TGFB2: variants seen among roughly 807,000 people sequenced by gnomAD.
TGFB2 encodes the protein transforming growth factor beta-2 proprotein.
In TGFB2, 13 loss-of-function variants were observed where a neutral mutation model predicts 42.7. The ratio of observed to expected loss-of-function variants is 0.30; its 90% CI spans 0.20 to 0.48. TGFB2 has a LOEUF of 0.48. Ranked by LOEUF, TGFB2 falls within the 20% of genes least tolerant of loss-of-function variation. The probability of loss-of-function intolerance (pLI) is 0.99; values close to 1 mark genes in which losing one functional copy is unlikely to be tolerated. For missense variants in TGFB2, 390 were observed against 517.5 expected (o/e 0.75, Z 2.39); for synonymous variants, 193 against 193.6 (o/e 1.00, Z 0.03).
chr1:218,433,253 G>C (rs952019471), intron 2 of TGFB2, among the ~76,000 whole-genome samples: 1 of 152,032 alleles, frequency 6.6e-6, no homozygotes, highest in Non-Finnish European at 1.5e-5. Flanking sequence ...GTTTAGTAGA[G>C]ACAGGGTTTT....
At chr1:218,356,791 T>A (rs1460360823) in intron 1 of TGFB2, among the ~76,000 whole-genome samples, 3 of 152,220 alleles carry the variant, frequency 2.0e-5, no homozygotes, top group Non-Finnish European at 4.4e-5. Flanking sequence ...GTCAGGCAGC[T>A]GTGGTTATAC....
At chr1:218,375,266 T>G (rs899999840) in intron 1 of TGFB2, among the ~76,000 whole-genome samples, 95 of 152,290 alleles carry the variant, frequency 6.2e-4, no homozygotes, top group African/African-American at 2.0e-3. Context: ...AGAAAGTGAC[T>G]CACACATGAG....
intron 2 of TGFB2, among the ~76,000 whole-genome samples, chr1:218,433,619 TAGA>T (rs1311793866): frequency 6.6e-6 from 1 of 152,212 alleles, no homozygotes; most frequent in African/African-American, 2.4e-5. Context: ...CTTTCTTTAT[TAGA>T]AGGAGATTTA....
chr1:218,419,094 G>A (rs889673527), intron 2 of TGFB2, among the ~76,000 whole-genome samples: 1 of 152,082 alleles, frequency 6.6e-6, no homozygotes, highest in Non-Finnish European at 1.5e-5. Context: ...CAGTGGCTTC[G>A]TATCTCACCC....
rs1285867403 is a variant in TGFB2 at position 218,443,267 on chromosome 1, TA to T, written c.*1906del. On this transcript the variant is annotated 3_prime_UTR_variant, in exon 7 of 7. Coordinates refer to ENST00000366930, the MANE Select transcript of TGFB2 (RefSeq NM_003238.6). ...TATCCTCATGCTGGGGTTAATAGAA[TA>T]TGTCAGTTTATCACTTGTCGCTTAT... 1 of 152,320 alleles carries T rather than the reference TA, an allele frequency of 6.6e-6. No homozygotes were observed. Among genetic ancestry groups the T allele is most frequent in the East Asian group, 1.9e-4 (1 of 5,186 alleles). 9.4% of individuals were successfully genotyped at this position (152,320 alleles called of 1,614,324 possible). A position where few individuals can be genotyped will look rare whatever the true frequency, so the allele number is the denominator to read the frequency against.
intron 1 of TGFB2, among the ~76,000 whole-genome samples, chr1:218,400,846 C>T (rs905813348): frequency 1.3e-5 from 2 of 151,844 alleles, no homozygotes; most frequent in Admixed American, 6.6e-5. Context: ...GGCCACTGGG[C>T]GGGCCAGGGA....
At chr1:218,413,549 C>A (rs1659167920) in intron 2 of TGFB2, among the ~76,000 whole-genome samples, 1 of 152,218 alleles carries the variant, frequency 6.6e-6, no homozygotes, top group Non-Finnish European at 1.5e-5. Context: ...GGCAAAGGGA[C>A]CCCTCTCTCT....
intron 4 of TGFB2, among the ~76,000 whole-genome samples, chr1:218,435,677 T>C (rs1353191207): frequency 6.6e-6 from 1 of 152,238 alleles, no homozygotes; most frequent in Admixed American, 6.5e-5. Flanking sequence ...TAGATTGCCC[T>C]TGGACTATAG....
chr1:218,386,858 C>T (rs1658153990), intron 1 of TGFB2, among the ~76,000 whole-genome samples: 2 of 152,242 alleles, frequency 1.3e-5, no homozygotes, highest in Middle Eastern at 3.4e-3. Context: ...ATATTTATTA[C>T]CTTATTTAAT....
At chr1:218,406,844 A>G (rs1658929391) in intron 2 of TGFB2, among the ~76,000 whole-genome samples, 1 of 152,132 alleles carries the variant, frequency 6.6e-6, no homozygotes, top group Non-Finnish European at 1.5e-5. Context: ...GAGGATTAAG[A>G]AAAAACCCCT....
chr1:218,406,484 G>A (rs970894922), intron 2 of TGFB2, among the ~76,000 whole-genome samples: 1 of 152,142 alleles, frequency 6.6e-6, no homozygotes, highest in Non-Finnish European at 1.5e-5. Context: ...AACAAGATCC[G>A]CAGGTGCTTC....
At chr1:218,386,595 A>G (rs1338368166) in intron 1 of TGFB2, among the ~76,000 whole-genome samples, 1 of 152,312 alleles carries the variant, frequency 6.6e-6, no homozygotes, top group East Asian at 1.9e-4. Flanking sequence ...GCTAATAGTT[A>G]CAAACTGAGG....
At chr1:218,386,379 G>T (rs1658138205) in intron 1 of TGFB2, among the ~76,000 whole-genome samples, 1 of 152,180 alleles carries the variant, frequency 6.6e-6, no homozygotes, top group South Asian at 2.1e-4. Context: ...ATTGCCAGAT[G>T]TCATTAAAAA....
chr1:218,395,901 ACCGCGCCAGG>A (rs1378551841), intron 1 of TGFB2, among the ~76,000 whole-genome samples: 1 of 152,204 alleles, frequency 6.6e-6, no homozygotes, highest in African/African-American at 2.4e-5. Flanking sequence ...GGTGTGAGCC[ACCGCGCCAGG>A]CCTTGATTTC....
intron 1 of TGFB2, among the ~76,000 whole-genome samples, chr1:218,398,981 C>G (rs1377521437): frequency 6.6e-6 from 1 of 152,188 alleles, no homozygotes; most frequent in Non-Finnish European, 1.5e-5. Flanking sequence ...CTCTCAGGCT[C>G]AAGTGATCCT....
chr1:218,422,103 C>G (rs904394307), intron 2 of TGFB2, among the ~76,000 whole-genome samples: 2 of 152,216 alleles, frequency 1.3e-5, no homozygotes, highest in Non-Finnish European at 2.9e-5. Context: ...CAAGCCAACT[C>G]TCCCTAAATC....
chr1:218,440,730 C>A, intron 6 of TGFB2, among the ~76,000 whole-genome samples: 1 of 152,216 alleles, frequency 6.6e-6, no homozygotes, highest in East Asian at 1.9e-4. Flanking sequence ...AAGATAAAAG[C>A]AAAGTCTGTA....
chr1:218,415,694 CAAAAGAAAAAAAAAAAA>C (rs1042521460), intron 2 of TGFB2, among the ~76,000 whole-genome samples: 13 of 40,132 alleles, frequency 3.2e-4, no homozygotes, highest in African/African-American at 7.9e-4. Flanking sequence ...GACTCTGTCT[CAAAAGAAAAAAAAAAAA>C]AAAAAAAAAA....
chr1:218,347,579 T>C (rs966196520), intron 1 of TGFB2, among the ~76,000 whole-genome samples: 1 of 152,134 alleles, frequency 6.6e-6, no homozygotes, highest in African/African-American at 2.4e-5. Context: ...CCTAAAAATG[T>C]CAGCATCGCC....
Sources: gnomAD v4.1 joint callset for allele counts (sites outside exome capture counted in the v4.1 genomes callset) on GRCh38, gnomAD v4.1.1 for gene constraint, MANE v1.5 for transcripts, NCBI Gene and HGNC (gene_info 2026-07-23, HGNC 2026-07-21) for gene names.